RALYL: variants seen among roughly 807,000 people sequenced by gnomAD.
RALYL encodes RALY RNA binding protein like, also known as RNA-binding Raly-like protein.
A neutral mutation model predicts 35.1 loss-of-function variants in RALYL; 29 were observed. The ratio of observed to expected loss-of-function variants is 0.83; its 90% CI spans 0.61 to 1.13. The LOEUF is 1.13. Among genes scored for constraint, RALYL ranks in the 50% most tolerant of loss-of-function variants. The pLI is 0.00. For missense variants in RALYL, 359 were observed against 360.4 expected (o/e 1.00, Z 0.03); for synonymous variants, 120 against 127.6 (o/e 0.94, Z 0.40).
chr8:84,843,433 G>A (rs1833884750), intron 4 of RALYL, among the ~76,000 whole-genome samples: 2 of 152,114 alleles, frequency 1.3e-5, no homozygotes, highest in South Asian at 2.1e-4. Context: ...CCTCTTCAAG[G>A]AGAACTACAA....
intron 1 of RALYL, among the ~76,000 whole-genome samples, chr8:84,479,025 G>T (rs1157059485): frequency 1.5e-5 from 2 of 131,700 alleles, no homozygotes; most frequent in African/African-American, 2.8e-5. Context: ...GGCGGAGCTT[G>T]CAGTGAACCG....
chr8:84,499,780 G>T (rs2056468989), intron 1 of RALYL, among the ~76,000 whole-genome samples: 1 of 151,822 alleles, frequency 6.6e-6, no homozygotes, highest in African/African-American at 2.4e-5. Context: ...TTTGAAATAG[G>T]GTCTCACTCT....
At chr8:84,375,915 A>G (rs1001798829) in intron 1 of RALYL, among the ~76,000 whole-genome samples, 1 of 151,908 alleles carries the variant, frequency 6.6e-6, no homozygotes, top group Admixed American at 6.6e-5. Flanking sequence ...TCCAAAAAAG[A>G]CTGTGATTTC....
intron 1 of RALYL, among the ~76,000 whole-genome samples, chr8:84,376,446 T>C (rs908760396): frequency 6.6e-6 from 1 of 151,822 alleles, no homozygotes; most frequent in African/African-American, 2.4e-5. Context: ...CCAGAAAGGT[T>C]ACCACTTACC....
intron 1 of RALYL, among the ~76,000 whole-genome samples, chr8:84,249,135 A>C (rs1368440796): frequency 6.6e-6 from 1 of 152,130 alleles, no homozygotes; most frequent in East Asian, 1.9e-4. Flanking sequence ...ATTATTTAAA[A>C]TATTGAAAAA....
At chr8:84,623,292 A>C (rs961748926) in intron 2 of RALYL, among the ~76,000 whole-genome samples, 1 of 152,202 alleles carries the variant, frequency 6.6e-6, no homozygotes, top group Non-Finnish European at 1.5e-5. Context: ...TAGATACATC[A>C]GTCTAAAAGC....
intron 4 of RALYL, among the ~76,000 whole-genome samples, chr8:84,816,659 CA>C (rs991073974): frequency 1.3e-5 from 2 of 151,380 alleles, no homozygotes; most frequent in African/African-American, 4.9e-5. Context: ...TTAATGGATA[CA>C]AAAAAAATTA....
chr8:84,544,805 C>A (rs2060247759), intron 2 of RALYL, among the ~76,000 whole-genome samples: 1 of 151,778 alleles, frequency 6.6e-6, no homozygotes, highest in Non-Finnish European at 1.5e-5. Flanking sequence ...TCCATATATC[C>A]ATATATTTGG....
chr8:84,532,956 A>G (rs527312582), intron 2 of RALYL, among the ~76,000 whole-genome samples: 3 of 152,192 alleles, frequency 2.0e-5, no homozygotes, highest in East Asian at 3.9e-4. Flanking sequence ...TGTCTTTGAT[A>G]TATAATAGAA....
chr8:84,820,523 T>C (rs1828286238), intron 4 of RALYL, among the ~76,000 whole-genome samples: 1 of 152,122 alleles, frequency 6.6e-6, no homozygotes, highest in Non-Finnish European at 1.5e-5. Context: ...AACATGAATT[T>C]AGTTTTGTTT....
intron 5 of RALYL, among the ~76,000 whole-genome samples, chr8:84,860,328 GGT>G (rs1241468063): frequency 6.6e-6 from 1 of 152,120 alleles, no homozygotes; most frequent in Non-Finnish European, 1.5e-5. Flanking sequence ...CTAGGGAAAT[GGT>G]CCTGCTAAAA....
At chr8:84,254,961 A>G in intron 1 of RALYL, among the ~76,000 whole-genome samples, 1 of 151,934 alleles carries the variant, frequency 6.6e-6, no homozygotes, top group East Asian at 1.9e-4. Context: ...AGCATGGGGG[A>G]AACTGCTTCC....
In RALYL at chr8:84,629,018, AG is replaced by A. The variant is rs1310043730; in HGVS notation, c.256+99442del. Reference sequence around the variant, plus strand: ...TGGATGCCTGATTGACTCAGCAAAAAGCACAGCATTTAATTACACCTAGAAC... The same window carrying A: ...TGGATGCCTGATTGACTCAGCAAAAACACAGCATTTAATTACACCTAGAAC... On this transcript the variant is annotated intron_variant, in intron 2 of 8. Coordinates refer to ENST00000521268, the MANE Select transcript of RALYL (RefSeq NM_173848.7). Among the ~76,000 whole-genome samples the A allele has an allele frequency of 6.6e-5, 10 of 152,176 alleles. No individual in the cohort carries two copies. The South Asian group carries it at 8.3e-4, about 13-fold the overall frequency.
In RALYL at chr8:84,434,379, A is replaced by G. The variant is rs187989992; in HGVS notation, c.-23-94920A>G. ...CAATTCAGCACAAAGCACAAGGCAT[A>G]AATAACTTGTTTTTGTACAGATTCT... On this transcript the variant is annotated intron_variant, in intron 1 of 8. Transcript: ENST00000521268. 9.7e-4 allele frequency among the ~76,000 whole-genome samples: 148 copies of G among 152,274 alleles called. 2 individuals are homozygous for G. The highest frequency in any genetic ancestry group is 3.3e-3 in the South Asian group (16 of 4,830).
intron 1 of RALYL, among the ~76,000 whole-genome samples, chr8:84,430,841 G>A (rs1158477828): frequency 6.6e-6 from 1 of 152,036 alleles, no homozygotes; most frequent in East Asian, 1.9e-4. Context: ...TTCAATAGCA[G>A]GTGTTAATTT....
intron 2 of RALYL, among the ~76,000 whole-genome samples, chr8:84,720,793 CAA>C (rs199507643): frequency 6.8e-6 from 1 of 146,466 alleles, no homozygotes; most frequent in African/African-American, 2.5e-5. Flanking sequence ...AACTCAATAG[CAA>C]AAAAAAACAA....
intron 1 of RALYL, among the ~76,000 whole-genome samples, chr8:84,499,275 T>C (rs1357135714): frequency 6.6e-6 from 1 of 152,122 alleles, no homozygotes; most frequent in South Asian, 2.1e-4. Context: ...TTAAGTAGTT[T>C]ACAATTATGT....
intron 2 of RALYL, among the ~76,000 whole-genome samples, chr8:84,621,004 A>G (rs1309035468): frequency 6.6e-6 from 1 of 152,182 alleles, no homozygotes; most frequent in African/African-American, 2.4e-5. Flanking sequence ...CAAAGCTGTC[A>G]GACAGGGACA....
chr8:84,617,349 A>G (rs1470023804), intron 2 of RALYL, among the ~76,000 whole-genome samples: 3 of 150,668 alleles, frequency 2.0e-5, no homozygotes, highest in Non-Finnish European at 4.4e-5. Context: ...ATTTTCTTTG[A>G]AGCAATTGTG....
Sources: gnomAD v4.1 joint callset for allele counts (sites outside exome capture counted in the v4.1 genomes callset) on GRCh38, gnomAD v4.1.1 for gene constraint, MANE v1.5 for transcripts, NCBI Gene and HGNC (gene_info 2026-07-23, HGNC 2026-07-21) for gene names.